The following LRMDA variants were observed in gnomAD, a reference collection of about 807,000 sequenced individuals.
LRMDA encodes leucine-rich melanocyte differentiation-associated protein.
Under a neutral mutation model 29.8 loss-of-function variants are expected in LRMDA, and 18 were observed. That is an observed-to-expected ratio of 0.60 (90% CI 0.42 to 0.90). The LOEUF (loss-of-function observed/expected upper bound fraction) is 0.90, where lower values mean the gene tolerates loss of function less well. Ranked by LOEUF, LRMDA falls within the 40% of genes least tolerant of loss-of-function variation. LRMDA has a pLI of 0.00. For missense variants in LRMDA, 273 were observed against 273.9 expected, an observed-to-expected ratio of 1.00 and a Z score of 0.02; for synonymous variants, 125 against 109.4, an observed-to-expected ratio of 1.14 and a Z score of -0.89.
rs560666367 is a variant in LRMDA at position 76,493,871 on chromosome 10, C to T, written c.602-63338C>T. ...CAATCCATGCACATATTATATTTCT[C>T]TTGTTTTTAGATTTATTTCTCTCAG... On this transcript the variant is annotated intron_variant, in intron 6 of 6. Transcript: ENST00000611255. 3.1e-3 allele frequency among the ~76,000 whole-genome samples: 467 copies of T among 152,064 alleles called. 1 individual carries two copies. The highest frequency in any genetic ancestry group is 0.02 in the Middle Eastern group (6 of 294).
intron 2 of LRMDA, among the ~76,000 whole-genome samples, chr10:75,438,695 G>A (rs1024394310): frequency 1.3e-5 from 2 of 152,284 alleles, no homozygotes; most frequent in Admixed American, 6.5e-5. Flanking sequence ...TTTTTGTGCT[G>A]CTGAAGAGGC....
chr10:75,695,684 G>C (rs943446573), intron 2 of LRMDA, among the ~76,000 whole-genome samples: 14 of 152,142 alleles, frequency 9.2e-5, no homozygotes, highest in African/African-American at 3.4e-4. Context: ...CAAAGTCTCT[G>C]TGTCTTAGCC....
chr10:76,373,662 G>T (rs905024726), intron 6 of LRMDA, among the ~76,000 whole-genome samples: 8 of 151,394 alleles, frequency 5.3e-5, no homozygotes, highest in Admixed American at 2.6e-4. Context: ...TTCCTAGACA[G>T]TTTTTTTTTA....
At chr10:76,276,006 A>AATCT (rs3066426) in intron 5 of LRMDA, among the ~76,000 whole-genome samples, 41,753 of 146,624 alleles carry the variant, frequency 0.28, 6,013 homozygotes, top group East Asian at 0.35. Context: ...CAATCTAGTG[A>AATCT]ATCTATCTAT....
At chr10:76,361,047 C>T (rs528275922) in intron 6 of LRMDA, among the ~76,000 whole-genome samples, 118 of 151,896 alleles carry the variant, frequency 7.8e-4, no homozygotes, top group Admixed American at 1.6e-3. Flanking sequence ...GATCGCTGGA[C>T]GTCAGGAGTT....
At chr10:76,188,827 T>C (rs1851192640) in intron 5 of LRMDA, among the ~76,000 whole-genome samples, 1 of 151,892 alleles carries the variant, frequency 6.6e-6, no homozygotes, top group African/African-American at 2.4e-5. Flanking sequence ...AATAGAGAGG[T>C]GTTCAAACCC....
intron 2 of LRMDA, among the ~76,000 whole-genome samples, chr10:75,890,440 C>T (rs1845466138): frequency 6.6e-6 from 1 of 152,192 alleles, no homozygotes; most frequent in Non-Finnish European, 1.5e-5. Context: ...AGGATGTAAT[C>T]AGTTCTCACC....
intron 2 of LRMDA, among the ~76,000 whole-genome samples, chr10:75,443,329 G>A (rs1844352166): frequency 1.3e-5 from 2 of 152,264 alleles, no homozygotes; most frequent in South Asian, 4.1e-4. Context: ...GATGTTAGCT[G>A]TGGGCTTGTC....
chr10:75,784,609 G>C (rs1276086123), intron 2 of LRMDA, among the ~76,000 whole-genome samples: 1 of 151,764 alleles, frequency 6.6e-6, no homozygotes, highest in Non-Finnish European at 1.5e-5. Context: ...TGAGGCAGGA[G>C]AATGGCGTGA....
intron 5 of LRMDA, among the ~76,000 whole-genome samples, chr10:76,081,375 C>G (rs937091804): frequency 1.3e-5 from 2 of 152,050 alleles, no homozygotes; most frequent in African/African-American, 2.4e-5. Flanking sequence ...GAGGCTGAGC[C>G]TGGGGAGGTT....
chr10:75,519,502 C>T (rs971750757), intron 2 of LRMDA, among the ~76,000 whole-genome samples: 1 of 152,054 alleles, frequency 6.6e-6, no homozygotes, highest in Non-Finnish European at 1.5e-5. Context: ...AGGATTGCAC[C>T]TCCTGCTTTT....
intron 2 of LRMDA, among the ~76,000 whole-genome samples, chr10:75,873,234 G>A (rs1845142250): frequency 6.6e-6 from 1 of 152,130 alleles, no homozygotes; most frequent in African/African-American, 2.4e-5. Context: ...TATTTAAATA[G>A]TATAATCCAA....
intron 5 of LRMDA, among the ~76,000 whole-genome samples, chr10:76,256,582 A>G (rs778959360): frequency 6.6e-6 from 1 of 152,210 alleles, no homozygotes; most frequent in Non-Finnish European, 1.5e-5. Flanking sequence ...TTTTGTGTAT[A>G]TTCTGTTATC....
intron 2 of LRMDA, among the ~76,000 whole-genome samples, chr10:75,691,178 C>G (rs12762884): frequency 1.1e-5 from 1 of 88,554 alleles, no homozygotes; most frequent in African/African-American, 5.4e-5. Context: ...ATCTATATAT[C>G]TATGTACATA....
chr10:76,112,383 C>T (rs1361474573), intron 5 of LRMDA, among the ~76,000 whole-genome samples: 1 of 152,230 alleles, frequency 6.6e-6, no homozygotes. Context: ...ACGGCGGGGC[C>T]TGGACAGAGT....
intron 2 of LRMDA, among the ~76,000 whole-genome samples, chr10:75,848,339 A>G (rs1844676279): frequency 6.6e-6 from 1 of 152,238 alleles, no homozygotes; most frequent in African/African-American, 2.4e-5. Flanking sequence ...GTAGGAAGTA[A>G]CTAAAGTAGT....
intron 2 of LRMDA, among the ~76,000 whole-genome samples, chr10:75,509,193 A>C (rs568079023): frequency 6.6e-6 from 1 of 152,208 alleles, no homozygotes; most frequent in African/African-American, 2.4e-5. Flanking sequence ...GCTGGCTGAC[A>C]TCTCCTACCC....
chr10:75,505,017 T>C (rs1845155068), intron 2 of LRMDA, among the ~76,000 whole-genome samples: 1 of 152,054 alleles, frequency 6.6e-6, no homozygotes, highest in Non-Finnish European at 1.5e-5. Flanking sequence ...TTGATACAGA[T>C]TAACATCAGA....
At chr10:75,499,978 C>T (rs1224329610) in intron 2 of LRMDA, among the ~76,000 whole-genome samples, 2 of 152,186 alleles carry the variant, frequency 1.3e-5, no homozygotes, top group Non-Finnish European at 2.9e-5. Context: ...TTTCCAACAC[C>T]TCATTTCCTC....
Sources: allele counts gnomAD v4.1 joint callset (sites outside exome capture counted in the v4.1 genomes callset), GRCh38; gene constraint gnomAD v4.1.1; transcripts MANE v1.5; gene names NCBI Gene and HGNC (gene_info 2026-07-23, HGNC 2026-07-21).